LSS: variants seen among roughly 807,000 people sequenced by gnomAD.
LSS encodes the protein 2,3-epoxysqualene-lanosterol cyclase.
In LSS, 90 loss-of-function variants were observed where a neutral mutation model predicts 110.3. That is an observed-to-expected ratio of 0.82 (90% CI 0.69 to 0.97). The LOEUF (loss-of-function observed/expected upper bound fraction) is 0.97. LSS is among the 50% of genes least tolerant of loss of function. LSS has a pLI of 0.00. For missense variants in LSS, 927 were observed against 990.0 expected (o/e 0.94, Z 0.85); for synonymous variants, 433 against 400.0 (o/e 1.08, Z -0.98).
rs2080283009 is a variant in LSS at position 46,221,840 on chromosome 21, T to A, written c.550+14A>T. 1 of 1,613,966 alleles carries A rather than the reference T, an allele frequency of 6.2e-7. No individual in the cohort carries two copies. The highest frequency in any genetic ancestry group is 1.1e-5 in the South Asian group (1 of 91,064). On this transcript the variant is annotated intron_variant, in intron 5 of 21. Transcript: ENST00000397728. ...CACGAACCCCTGGCCCAGCACATGC[T>A]GCACATGCCGTACCTTTCTTGTGAA...
chr21:46,191,197 GATGGC>G lies in LSS; in HGVS notation c.2101_2105del (p.Ala701LeufsTer23). 4 of 1,613,794 alleles carry G rather than the reference GATGGC, an allele frequency of 2.5e-6. No individual in the cohort carries two copies. The highest frequency in any genetic ancestry group is 3.4e-6 in the Non-Finnish European group (4 of 1,179,738). Reference sequence around the variant, plus strand: ...AGATGTTCCTGTAGCTCGTGTAGGAGATGGCACAGGACTTGTTGAAGACCCCAGCA... The same window carrying G: ...AGATGTTCCTGTAGCTCGTGTAGGAGACAGGACTTGTTGAAGACCCCAGCA... On this transcript the variant is annotated frameshift_variant, in exon 22 of 22. Transcript: ENST00000397728. LOFTEE classifies it high-confidence loss of function.
At chr21:46,226,014 G>A (rs1458977295) in intron 3 of LSS, among the ~76,000 whole-genome samples, 1 of 151,912 alleles carries the variant, frequency 6.6e-6, no homozygotes, top group Non-Finnish European at 1.5e-5. Flanking sequence ...CCGACCCTGT[G>A]GGGCTGGACC....
intron 9 of LSS, 34 bp downstream of exon 9, chr21:46,215,146 G>C: frequency 1.3e-6 from 2 of 1,571,140 alleles, no homozygotes; most frequent in Non-Finnish European, 1.7e-6. Context: ...CAACCCCCAG[G>C]GGCTGCAGTC....
chr21:46,193,138 T>C (rs2079850534), intron 20 of LSS: 1 of 447,368 alleles, frequency 2.2e-6, no homozygotes, highest in South Asian at 1.6e-5. Flanking sequence ...TGCATACGTG[T>C]GTGCATAGAC....
chr21:46,189,144 G>A lies in LSS; in HGVS notation c.*1960C>T, dbSNP rs1341701071. The A allele has an allele frequency of 4.4e-6, 1 of 226,522 alleles. No individual in the cohort carries two copies. The highest frequency in any genetic ancestry group is 6.2e-5 in the South Asian group (1 of 16,160). 14.0% of individuals were successfully genotyped at this position (226,522 alleles called of 1,614,324 possible). ...ACAGGCTTCTGATAAGGGAATCAAT[G>A]TCTGTTTATTAAGGCAGATGCTCAT... On this transcript the variant is annotated 3_prime_UTR_variant, in exon 22 of 22. Transcript: ENST00000397728.
At chr21:46,206,557 G>A in intron 16 of LSS, 115 bp downstream of exon 16, 2 of 845,538 alleles carry the variant, frequency 2.4e-6, no homozygotes, top group Non-Finnish European at 3.9e-6. Context: ...AGATCTGCCG[G>A]TGAACCTGGG....
chr21:46,207,189 A>G (rs1044792217), intron 15 of LSS, among the ~76,000 whole-genome samples: 9 of 152,238 alleles, frequency 5.9e-5, no homozygotes, highest in Non-Finnish European at 1.3e-4. Context: ...TCCCCCAAGT[A>G]TCGGTGGCTG....
At chr21:46,206,796 T>G in intron 15 of LSS, 28 bp from the exon 16 acceptor site, 1 of 1,572,852 alleles carries the variant, frequency 6.4e-7, no homozygotes, top group Non-Finnish European at 8.7e-7. Flanking sequence ...ACCCTAGAAC[T>G]CGCCCATGTG....
chr21:46,222,480 C>A, intron 4 of LSS, 150 bp downstream of exon 4: 2 of 645,714 alleles, frequency 3.1e-6, no homozygotes, highest in Non-Finnish European at 5.3e-6. Flanking sequence ...TCAGCCCACT[C>A]CCCGCCTGCT....
At chr21:46,222,518 A>C in intron 4 of LSS, 112 bp downstream of exon 4, 7 of 862,694 alleles carry the variant, frequency 8.1e-6, no homozygotes, top group East Asian at 2.7e-5. Flanking sequence ...CCCCACACCC[A>C]CAGCTGCAAT....
chr21:46,217,405 T>C (rs995168248), intron 6 of LSS, among the ~76,000 whole-genome samples: 5 of 152,182 alleles, frequency 3.3e-5, no homozygotes, highest in Non-Finnish European at 5.9e-5. Flanking sequence ...TCCCTTTCCC[T>C]GCTAGCCCCC....
Position 46,190,490 on chromosome 21 carries a change from G to A in LSS, c.*614C>T, listed in dbSNP as rs1166018171. 1 of 150,508 alleles carries A rather than the reference G, an allele frequency of 6.6e-6. No individual in the cohort carries two copies. The highest frequency in any genetic ancestry group is 1.4e-5 in the Non-Finnish European group (1 of 69,950). The allele number at this position is 150,508 out of a possible 1,614,324, so 9.3% of individuals were successfully genotyped here. On this transcript the variant is annotated 3_prime_UTR_variant, in exon 22 of 22. Transcript: ENST00000397728. The surrounding 1 kb of genome is among the most constrained non-coding windows in gnomAD (Gnocchi z 4.6). ...AGGCGAGCTCACGACCCAGGGGCAT[G>A]AGGCTCCATGACACCACCCCATACG...
At chr21:46,210,063 C>CTTTTTTTTT (rs71318051) in intron 12 of LSS, among the ~76,000 whole-genome samples, 1 of 107,592 alleles carries the variant, frequency 9.3e-6, no homozygotes, top group African/African-American at 3.7e-5. Context: ...AGTTCCAGTT[C>CTTTTTTTTT]TTTTTTTTTT....
At chr21:46,217,949 A>G (rs2080227864) in intron 6 of LSS, among the ~76,000 whole-genome samples, 1 of 151,636 alleles carries the variant, frequency 6.6e-6, no homozygotes, top group East Asian at 1.9e-4. Flanking sequence ...ATCTCTGTCT[A>G]CCCTCCCGGG....
At chr21:46,226,680 CT>C (rs1196827808) in intron 3 of LSS, among the ~76,000 whole-genome samples, 1 of 152,214 alleles carries the variant, frequency 6.6e-6, no homozygotes, top group African/African-American at 2.4e-5. Context: ...CACCATGGAA[CT>C]GTTTTTAACG....
chr21:46,202,218 C>A (rs1400734731), intron 17 of LSS, among the ~76,000 whole-genome samples: 6 of 143,270 alleles, frequency 4.2e-5, no homozygotes, highest in African/African-American at 1.5e-4. Flanking sequence ...AACGGTGAAA[C>A]CCCGTCTCTA....
intron 16 of LSS, 60 bp downstream of exon 16, chr21:46,206,612 G>T: frequency 7.0e-7 from 1 of 1,421,878 alleles, no homozygotes; most frequent in Non-Finnish European, 9.8e-7. Context: ...CCCCAGGTTT[G>T]TGTACCACAG....
chr21:46,227,704 GAA>G lies in LSS; in HGVS notation c.181-16_181-15del, dbSNP rs10550493. 637,039 of 1,466,582 alleles carry G rather than the reference GAA, an allele frequency of 0.43. 98,773 individuals are homozygous for G. The highest frequency in any genetic ancestry group is 0.5 in the Admixed American group (27,144 of 54,012). 90.8% of individuals were successfully genotyped at this position (1,466,582 alleles called of 1,614,324 possible). ...AAAGTAATTCTTCTGCAAAGAGATC[GAA>G]AAAAAAAAAAAGAGATAGCTGACGG... On this transcript the variant is annotated splice_polypyrimidine_tract_variant and intron_variant, in intron 2 of 21. Coordinates refer to ENST00000397728, the MANE Select transcript of LSS (RefSeq NM_002340.6).
At position 46,208,296 on chromosome 21, in the gene LSS, T is replaced by C. The variant is rs1439705851; in HGVS notation, c.1272A>G (p.Pro424=). The change falls in exon 14 of 22, where the codon CCA becomes CCG. Residue 424 remains proline, a synonymous_variant. Transcript: ENST00000397728. ...ACTTCTGGTAGTCGGGAGGGTTATC[T>C]GGGACCTGGGCAGCATCGAGGGCAA... The part of the protein sequence containing the change: ...AHEFLRLSQV[P]DNPPDYQKYY... 5 of 1,552,592 alleles carry C rather than the reference T, an allele frequency of 3.2e-6. No individual in the cohort carries two copies. The South Asian group carries it at 3.6e-5, about 11-fold the overall frequency.
Sources: gnomAD v4.1 joint callset for allele counts (sites outside exome capture counted in the v4.1 genomes callset) on GRCh38, gnomAD v4.1.1 for gene constraint, Gnocchi (gnomAD v3.1) non-coding constraint, MANE v1.5 for transcripts, NCBI Gene and HGNC (gene_info 2026-07-23, HGNC 2026-07-21) for gene names.